TRPM7: variants seen among roughly 807,000 people sequenced by gnomAD.
TRPM7 encodes LTRPC ion channel family member 7.
TRPM7 carries 134 observed loss-of-function variants against 229.7 expected under a neutral mutation model. That is an observed-to-expected ratio of 0.58 (90% CI 0.51 to 0.67). The LOEUF is 0.67. TRPM7 is among the 30% of genes least tolerant of loss of function. TRPM7 has a pLI of 0.00. For synonymous variants in TRPM7, 699 were observed against 715.2 expected, an observed-to-expected ratio of 0.98 and a Z score of 0.36; for missense variants, 1,901 against 2,210.0, an observed-to-expected ratio of 0.86 and a Z score of 2.80.
rs1432600003 is a variant in TRPM7, at chr15:50,638,397, A to T, written c.661-804T>A. Among the ~76,000 whole-genome samples, 11 of 92,718 alleles carry T rather than the reference A, an allele frequency of 1.2e-4. No individual in the cohort carries two copies. In the South Asian group the frequency reaches 2.8e-3, roughly 23 times the overall value. The allele number at this position is 92,718 out of a possible 152,430, so 60.8% of individuals were successfully genotyped here. On this transcript the variant is annotated intron_variant, in intron 6 of 38. Coordinates refer to ENST00000646667, the MANE Select transcript of TRPM7 (RefSeq NM_017672.6). ...AAAAAAAAAAAAAAAAAAAAAAAAA[A>T]AATTAGATGGGTGTAGTGGTGGGTG...
intron 13 of TRPM7, among the ~76,000 whole-genome samples, chr15:50,615,130 T>C (rs1241971137): frequency 1.1e-4 from 14 of 129,854 alleles, no homozygotes; most frequent in Non-Finnish European, 1.5e-5. Flanking sequence ...GCCACCGCAT[T>C]CCAGCCTGAG....
chr15:50,591,486 AT>A (rs200361880), intron 26 of TRPM7, among the ~76,000 whole-genome samples: 1,459 of 143,554 alleles, frequency 0.01, 6 homozygotes, highest in Middle Eastern at 0.022. Flanking sequence ...CCTACTTCTG[AT>A]TTTTTTTTTT....
At chr15:50,589,269 C>T (rs998817809) in intron 27 of TRPM7, among the ~76,000 whole-genome samples, 5 of 133,978 alleles carry the variant, frequency 3.7e-5, no homozygotes, top group South Asian at 2.3e-4. Flanking sequence ...TTGCAGTAAG[C>T]GGAGATCACA....
At chr15:50,565,539 A>G (rs1245161401) in intron 38 of TRPM7, among the ~76,000 whole-genome samples, 3 of 152,202 alleles carry the variant, frequency 2.0e-5, no homozygotes, top group African/African-American at 7.2e-5. Context: ...ATTCGCCAAG[A>G]AGACATTAAC....
At chr15:50,583,057 A>T (rs1226686921) in intron 29 of TRPM7, 32 bp downstream of exon 29, 1 of 1,431,212 alleles carries the variant, frequency 7.0e-7, no homozygotes, top group African/African-American at 1.5e-5. Context: ...TGTATTTAAT[A>T]ATATATATCT....
intron 38 of TRPM7, among the ~76,000 whole-genome samples, chr15:50,565,899 T>C (rs1467101583): frequency 7.2e-5 from 11 of 151,810 alleles, no homozygotes; most frequent in Admixed American, 3.9e-4. Flanking sequence ...TCTTGGCTCA[T>C]TGCAACCTCT....
intron 12 of TRPM7, 111 bp from the exon 13 acceptor site, chr15:50,619,909 TCCTTAAGTTCTATTCATAA>T (rs1189402151): frequency 6.6e-6 from 6 of 903,952 alleles, no homozygotes; most frequent in African/African-American, 1.8e-5. Context: ...TGGAGTTATT[TCCTTAAGTTCTATTCATAA>T]AGTAGAACAA....
chr15:50,666,713 A>T (rs1216012718), intron 1 of TRPM7, among the ~76,000 whole-genome samples: 1 of 151,880 alleles, frequency 6.6e-6, no homozygotes, highest in Non-Finnish European at 1.5e-5. Context: ...GAGGCAGGAG[A>T]ATTGCTTGAA....
intron 19 of TRPM7, 28 bp from the exon 20 acceptor site, chr15:50,607,356 T>A (rs1340523474): frequency 1.0e-5 from 15 of 1,486,756 alleles, no homozygotes; most frequent in African/African-American, 1.4e-5. Context: ...GTTACATAAA[T>A]AACATTGGTT....
chr15:50,586,675 A>G, intron 27 of TRPM7, 187 bp from the exon 28 acceptor site: 1 of 460,246 alleles, frequency 2.2e-6, no homozygotes, highest in South Asian at 3.3e-5. Context: ...GCACCAAAAC[A>G]CCTTATTTTC....
At chr15:50,633,639 T>C (rs1055905164) in intron 8 of TRPM7, among the ~76,000 whole-genome samples, 2 of 152,194 alleles carry the variant, frequency 1.3e-5, no homozygotes, top group African/African-American at 4.8e-5. Flanking sequence ...CTCAAAACCA[T>C]TCTTACTCAG....
At chr15:50,652,073 C>T (rs1402649105) in intron 3 of TRPM7, among the ~76,000 whole-genome samples, 1 of 151,676 alleles carries the variant, frequency 6.6e-6, no homozygotes, top group African/African-American at 2.4e-5. Flanking sequence ...TGGCTCATGC[C>T]TGTAATCCCA....
At chr15:50,626,064 C>G (rs550066566) in intron 11 of TRPM7, among the ~76,000 whole-genome samples, 1 of 152,128 alleles carries the variant, frequency 6.6e-6, no homozygotes, top group South Asian at 2.1e-4. Context: ...TATCTGTTCC[C>G]CAGGATATTT....
chr15:50,622,102 C>G (rs1477110905), intron 12 of TRPM7, among the ~76,000 whole-genome samples: 1 of 151,824 alleles, frequency 6.6e-6, no homozygotes, highest in Non-Finnish European at 1.5e-5. Flanking sequence ...GAAATAAGAA[C>G]AAATATTTAT....
At chr15:50,561,934 GC>G in intron 38 of TRPM7, 126 bp from the exon 39 acceptor site, 1 of 991,250 alleles carries the variant, frequency 1.0e-6, no homozygotes, top group Non-Finnish European at 1.4e-6. Context: ...CGCTCTTGTT[GC>G]CCAAGCTGGA....
chr15:50,651,328 T>A (rs947735609), intron 3 of TRPM7, among the ~76,000 whole-genome samples: 3 of 152,146 alleles, frequency 2.0e-5, no homozygotes, highest in African/African-American at 7.2e-5. Flanking sequence ...AAAACAAGTA[T>A]TATAAATGAG....
intron 21 of TRPM7, 157 bp downstream of exon 21, chr15:50,604,709 G>T: frequency 1.4e-6 from 1 of 698,176 alleles, no homozygotes; most frequent in Non-Finnish European, 2.3e-6. Flanking sequence ...GATTGAGCAT[G>T]AGAAACTCTT....
chr15:50,679,511 A>ATATATATGTGTATATATATTAT (rs2062184777), intron 1 of TRPM7, among the ~76,000 whole-genome samples: 3 of 75,440 alleles, frequency 4.0e-5, no homozygotes, highest in African/African-American at 2.1e-4. Flanking sequence ...GTATATATAT[A>ATATATATGTGTATATATATTAT]ATATATATAT....
chr15:50,636,887 TGGGAGGCCGAGAC>T (rs2060923304), intron 7 of TRPM7, among the ~76,000 whole-genome samples: 1 of 152,150 alleles, frequency 6.6e-6, no homozygotes, highest in South Asian at 2.1e-4. Context: ...CCCAGCTCTT[TGGGAGGCCGAGAC>T]GGGCAGATCA....
Sources: allele counts gnomAD v4.1 joint callset (sites outside exome capture counted in the v4.1 genomes callset), GRCh38; gene constraint gnomAD v4.1.1; transcripts MANE v1.5; gene names NCBI Gene and HGNC (gene_info 2026-07-23, HGNC 2026-07-21).